Variants in PPM1L observed in about 807,000 individuals in gnomAD.
PPM1L encodes the protein protein phosphatase 1L.
PPM1L carries 13 observed loss-of-function variants against 31.4 expected under a neutral mutation model. The observed-to-expected ratio is 0.41, with a 90% CI of 0.27 to 0.66. PPM1L has a LOEUF of 0.66. Ranked by LOEUF, PPM1L falls within the 30% of genes least tolerant of loss-of-function variation. The probability of loss-of-function intolerance (pLI) is 0.29; values close to 1 mark genes in which losing one functional copy is unlikely to be tolerated. For missense variants in PPM1L, 326 were observed against 453.7 expected, an observed-to-expected ratio of 0.72 and a Z score of 2.56; for synonymous variants, 184 against 175.4, an observed-to-expected ratio of 1.05 and a Z score of -0.39.
intron 1 of PPM1L, among the ~76,000 whole-genome samples, chr3:160,909,069 G>T (rs1402087116): frequency 6.6e-6 from 1 of 152,208 alleles, no homozygotes; most frequent in Non-Finnish European, 1.5e-5. Context: ...GGGCTAAATT[G>T]TCAAGGTCCT....
chr3:161,061,593 A>G (rs1028956966), intron 2 of PPM1L, among the ~76,000 whole-genome samples: 2 of 152,198 alleles, frequency 1.3e-5, no homozygotes, highest in Non-Finnish European at 2.9e-5. Flanking sequence ...ACATCATACA[A>G]ATTAAAAAAC....
rs1487584073 is a variant in PPM1L at position 161,070,575 on chromosome 3, T to C, written c.*1418T>C. The stretch of plus-strand genomic sequence containing the variant: ...TAATTTATCATTTTTCCAACCTTGG[T>C]ATTTTATATTATTTAGAGAAAATGC... On this transcript the variant is annotated 3_prime_UTR_variant, in exon 4 of 4. Transcript: ENST00000498165. 3.9e-5 allele frequency: 6 copies of C among 152,222 alleles called. No individual in the cohort carries two copies. The highest frequency in any genetic ancestry group is 1.4e-4 in the African/African-American group (6 of 41,446). The allele number at this position is 152,222 out of a possible 1,614,324, so 9.4% of individuals were successfully genotyped here. A position where few individuals can be genotyped will look rare whatever the true frequency, so the allele number is the denominator to read the frequency against.
chr3:160,816,970 G>A (rs1713015904), intron 1 of PPM1L, among the ~76,000 whole-genome samples: 6 of 152,028 alleles, frequency 3.9e-5, no homozygotes, highest in Admixed American at 3.9e-4. Flanking sequence ...GGCGTTACTA[G>A]TGATTATAAA....
intron 1 of PPM1L, among the ~76,000 whole-genome samples, chr3:160,938,798 A>T (rs904126707): frequency 1.3e-5 from 2 of 152,340 alleles, no homozygotes; most frequent in Middle Eastern, 3.4e-3. Context: ...GTGACTGGGA[A>T]CCCAGATTTC....
intron 1 of PPM1L, among the ~76,000 whole-genome samples, chr3:160,951,841 T>C (rs1377325739): frequency 6.6e-6 from 1 of 152,198 alleles, no homozygotes. Context: ...ACACACTGAG[T>C]GTTATGCCCT....
intron 2 of PPM1L, among the ~76,000 whole-genome samples, chr3:161,035,035 G>A (rs1210726432): frequency 6.6e-6 from 1 of 151,542 alleles, no homozygotes; most frequent in Non-Finnish European, 1.5e-5. Context: ...GTTGAACAAT[G>A]AGAACATATG....
intron 1 of PPM1L, among the ~76,000 whole-genome samples, chr3:160,908,566 A>G (rs1425880723): frequency 6.6e-6 from 1 of 152,178 alleles, no homozygotes; most frequent in Non-Finnish European, 1.5e-5. Context: ...AACAGATACT[A>G]TAACATAGAA....
At chr3:160,801,960 G>A (rs1712442435) in intron 1 of PPM1L, among the ~76,000 whole-genome samples, 1 of 151,980 alleles carries the variant, frequency 6.6e-6, no homozygotes, top group Non-Finnish European at 1.5e-5. Flanking sequence ...TATTTGTGTC[G>A]ATTGCCTTGG....
chr3:160,969,878 A>G (rs1465874629), intron 2 of PPM1L, among the ~76,000 whole-genome samples: 1 of 152,256 alleles, frequency 6.6e-6, no homozygotes, highest in Non-Finnish European at 1.5e-5. Context: ...AATATACTTT[A>G]GAACATTTTT....
chr3:160,946,914 C>T (rs1311661926), intron 1 of PPM1L, among the ~76,000 whole-genome samples: 2 of 152,136 alleles, frequency 1.3e-5, no homozygotes, highest in African/African-American at 2.4e-5. Flanking sequence ...AAAATAATAT[C>T]TTTTCTGACT....
intron 1 of PPM1L, among the ~76,000 whole-genome samples, chr3:160,863,487 G>A (rs1711975808): frequency 6.6e-6 from 1 of 152,110 alleles, no homozygotes. Flanking sequence ...TTTGTTGTCT[G>A]GAGAAAGCTT....
At chr3:160,824,414 T>C (rs1576655931) in intron 1 of PPM1L, among the ~76,000 whole-genome samples, 2 of 152,186 alleles carry the variant, frequency 1.3e-5, no homozygotes, top group Non-Finnish European at 2.9e-5. Flanking sequence ...ATTAAAGTAC[T>C]GAACCATAAG....
intron 2 of PPM1L, among the ~76,000 whole-genome samples, chr3:161,028,175 T>A (rs1718464015): frequency 6.6e-6 from 1 of 152,198 alleles, no homozygotes; most frequent in Non-Finnish European, 1.5e-5. Context: ...TTTGCTATGG[T>A]CATGGAGTCA....
intron 1 of PPM1L, among the ~76,000 whole-genome samples, chr3:160,868,261 A>G (rs1712163847): frequency 6.6e-6 from 1 of 152,162 alleles, no homozygotes; most frequent in Non-Finnish European, 1.5e-5. Flanking sequence ...CTATTCCCCC[A>G]GCTCTGGTCT....
At chr3:161,047,246 A>G (rs541907622) in intron 2 of PPM1L, among the ~76,000 whole-genome samples, 335 of 152,358 alleles carry the variant, frequency 2.2e-3, no homozygotes, top group African/African-American at 7.9e-3. Context: ...GCAAAGTCTC[A>G]GTATACAAAA....
rs897272476 is a variant in PPM1L, at chr3:161,034,248, C to T, written c.575-31155C>T. On this transcript the variant is annotated intron_variant, in intron 2 of 3. Coordinates refer to ENST00000498165, the MANE Select transcript of PPM1L (RefSeq NM_139245.4). Reference sequence around the variant, plus strand: ...AACACTTTTACACTGTTGGTGGGAGCGTAAATTAGTTCAGCCATTGTGGAA... The same window carrying T: ...AACACTTTTACACTGTTGGTGGGAGTGTAAATTAGTTCAGCCATTGTGGAA... 2.0e-4 allele frequency among the ~76,000 whole-genome samples: 31 copies of T among 152,030 alleles called. 1 individual carries two copies. Among genetic ancestry groups the T allele is most frequent in the Admixed American group, 1.8e-3 (28 of 15,262 alleles).
intron 2 of PPM1L, among the ~76,000 whole-genome samples, chr3:160,969,417 C>T (rs1165205077): frequency 6.6e-6 from 1 of 152,068 alleles, no homozygotes; most frequent in Non-Finnish European, 1.5e-5. Flanking sequence ...TCAGTAATCT[C>T]AAAAGAAAGG....
chr3:160,789,780 A>G (rs1001653869), intron 1 of PPM1L, among the ~76,000 whole-genome samples: 18 of 151,926 alleles, frequency 1.2e-4, no homozygotes, highest in African/African-American at 4.3e-4. Context: ...ATATCGAACC[A>G]TCTTTATTCT....
chr3:160,818,882 T>TAA (rs1713073506), intron 1 of PPM1L, among the ~76,000 whole-genome samples: 1 of 151,988 alleles, frequency 6.6e-6, no homozygotes, highest in South Asian at 2.1e-4. Flanking sequence ...CTTGACTTTT[T>TAA]AAAAAATTTA....
Sources: gnomAD v4.1 joint callset for allele counts (sites outside exome capture counted in the v4.1 genomes callset) on GRCh38, gnomAD v4.1.1 for gene constraint, MANE v1.5 for transcripts, NCBI Gene and HGNC (gene_info 2026-07-23, HGNC 2026-07-21) for gene names.